KRT86: variants seen among roughly 807,000 people sequenced by gnomAD.
The protein encoded by KRT86 is keratin 86, also known as keratin, type II cuticular Hb6.
Under a neutral mutation model 41.2 loss-of-function variants are expected in KRT86, and 30 were observed. The observed-to-expected ratio is 0.73, with a 90% CI of 0.54 to 0.99. The LOEUF is 0.99. Among genes scored for constraint, KRT86 ranks in the 50% least tolerant of loss-of-function variants. The pLI is 0.00. For missense variants in KRT86, 561 were observed against 571.4 expected (o/e 0.98, Z 0.19); for synonymous variants, 238 against 238.1 (o/e 1.00, Z 0.00).
At chr12:52,277,549 CAGG>C (rs1937660891) in intron 2 of KRT86, 1 of 152,366 alleles carries the variant, frequency 6.6e-6, no homozygotes, top group African/African-American at 2.4e-5. Flanking sequence ...GCCAGCTCTG[CAGG>C]AGGAGGGTGG....
chr12:52,306,319 G>A (rs565232501), intron 9 of KRT86, 39 bp downstream of exon 9: 3 of 1,612,686 alleles, frequency 1.9e-6, no homozygotes, highest in African/African-American at 2.7e-5. Context: ...AGCCCTGCCA[G>A]GGTTCTCAGT....
chr12:52,298,972 C>G (rs1403888858), intron 2 of KRT86, among the ~76,000 whole-genome samples: 1 of 152,116 alleles, frequency 6.6e-6, no homozygotes, highest in Non-Finnish European at 1.5e-5. Context: ...TCCAAGCCTA[C>G]TCCTTTAGTT....
intron 2 of KRT86, among the ~76,000 whole-genome samples, chr12:52,282,557 A>G (rs1937801059): frequency 6.6e-6 from 1 of 152,218 alleles, no homozygotes; most frequent in Admixed American, 6.5e-5. Flanking sequence ...CCCTTTAAAG[A>G]AAGCTCTCCA....
At chr12:52,296,942 A>G (rs1403288781) in intron 2 of KRT86, among the ~76,000 whole-genome samples, 2 of 152,182 alleles carry the variant, frequency 1.3e-5, no homozygotes, top group African/African-American at 4.8e-5. Flanking sequence ...CTCAGGGACG[A>G]CACTGTCCCT....
intron 2 of KRT86, 25 bp from the exon 3 acceptor site, chr12:52,301,888 A>T (rs1319030008): frequency 6.2e-7 from 1 of 1,613,808 alleles, no homozygotes. Context: ...CTCCATCCTC[A>T]GAACCTCCTC....
chr12:52,303,540 TC>T (rs1938433082), intron 4 of KRT86, among the ~76,000 whole-genome samples: 1 of 84,348 alleles, frequency 1.2e-5, no homozygotes, highest in Non-Finnish European at 2.3e-5. Flanking sequence ...CTGAACCACA[TC>T]ACCCAGCAGC....
At chr12:52,296,515 G>A (rs1050038899) in intron 2 of KRT86, among the ~76,000 whole-genome samples, 17 of 152,184 alleles carry the variant, frequency 1.1e-4, no homozygotes, top group Admixed American at 8.5e-4. Context: ...CCAGGGTGGA[G>A]CTTTTGAGTC....
At chr12:52,288,818 T>C (rs1320201071) in intron 2 of KRT86, among the ~76,000 whole-genome samples, 1 of 151,976 alleles carries the variant, frequency 6.6e-6, no homozygotes, top group Non-Finnish European at 1.5e-5. Context: ...CTGGTTCTTC[T>C]CCATCCCCCC....
chr12:52,295,497 T>C (rs1177861444), intron 2 of KRT86, among the ~76,000 whole-genome samples: 1 of 152,144 alleles, frequency 6.6e-6, no homozygotes, highest in Non-Finnish European at 1.5e-5. Context: ...CTGGTGTTTG[T>C]ACATAACATA....
intron 7 of KRT86, 111 bp from the exon 8 acceptor site, chr12:52,305,552 C>A: frequency 6.2e-7 from 1 of 1,602,882 alleles, no homozygotes; most frequent in South Asian, 1.1e-5. Flanking sequence ...GCAGGACTGC[C>A]ATGTGTGGTT....
chr12:52,308,097 C>G, intron 9 of KRT86, 136 bp from the exon 10 acceptor site: 1 of 1,153,866 alleles, frequency 8.7e-7, no homozygotes, highest in South Asian at 1.4e-5. Flanking sequence ...TACACTGGCT[C>G]CTGGCCGAGA....
intron 2 of KRT86, among the ~76,000 whole-genome samples, chr12:52,283,149 A>G (rs899309285): frequency 6.6e-6 from 1 of 152,070 alleles, no homozygotes; most frequent in African/African-American, 2.4e-5. Flanking sequence ...TAATCCCAGC[A>G]CTTTGGGAGG....
rs1938093928 is a variant in KRT86, at chr12:52,290,545, C to CCCA, written c.-4-11367_-4-11366insCAC. Among the ~76,000 whole-genome samples the CCCA allele has an allele frequency of 1.1e-4, 2 of 18,320 alleles. 1 individual carries two copies. Among genetic ancestry groups the CCCA allele is most frequent in the Non-Finnish European group, 1.8e-4 (2 of 11,140 alleles). The allele number at this position is 18,320 out of a possible 152,430, so 12.0% of individuals were successfully genotyped here. A position where few individuals can be genotyped will look rare whatever the true frequency, so the allele number is the denominator to read the frequency against. On this transcript the variant is annotated intron_variant, in intron 2 of 10. Transcript: ENST00000423955. Reference sequence around the variant, plus strand: ...TGGGGAGTTGAGTGACCCCCCCCCCCCAACCCAAGCAGATGAACAGAAGTG... The same window carrying CCCA: ...TGGGGAGTTGAGTGACCCCCCCCCCCCCACAACCCAAGCAGATGAACAGAAGTG...
chr12:52,305,486 G>C, intron 7 of KRT86, 82 bp downstream of exon 7: 1 of 1,610,400 alleles, frequency 6.2e-7, no homozygotes. Context: ...TTCCTTTTCT[G>C]GGGATGCACT....
At chr12:52,286,204 G>T in intron 2 of KRT86, 1 of 1,486,204 alleles carries the variant, frequency 6.7e-7, no homozygotes, top group Non-Finnish European at 9.2e-7. Context: ...GATGGGCCAA[G>T]CAAGGCAGGG....
chr12:52,291,411 C>G (rs555244465), intron 2 of KRT86: 423 of 1,611,306 alleles, frequency 2.6e-4, no homozygotes, highest in South Asian at 3.2e-4. Context: ...GGCCGCGGCC[C>G]GCAGGCCGAG....
At position 52,305,662 on chromosome 12, in the gene KRT86, G is replaced by A. The variant is rs774789529; in HGVS notation, c.901-1G>A. 3.1e-6 allele frequency: 5 copies of A among 1,613,984 alleles called. No homozygotes were observed. The highest frequency in any genetic ancestry group is 4.2e-6 in the Non-Finnish European group (5 of 1,179,962). ...CTCATGAGCATCTCTACTTCCCCCA[G>A]TGTGAGGAGATGAAGGCCACGGTGA... is the stretch of plus-strand genomic sequence containing the variant. On this transcript the variant is annotated splice_acceptor_variant, in intron 7 of 10. Transcript: ENST00000423955. LOFTEE classifies it high-confidence loss of function.
chr12:52,286,462 G>A (rs948357847), intron 2 of KRT86: 42 of 1,552,552 alleles, frequency 2.7e-5, no homozygotes, highest in South Asian at 1.1e-4. Context: ...AGAGGTCCCC[G>A]CACACGACCC....
chr12:52,297,267 C>T (rs144394175), intron 2 of KRT86, among the ~76,000 whole-genome samples: 1 of 152,314 alleles, frequency 6.6e-6, no homozygotes, highest in East Asian at 1.9e-4. Context: ...CAGTATCTGA[C>T]AGTATGTATG....
Sources: gnomAD v4.1 joint callset for allele counts (sites outside exome capture counted in the v4.1 genomes callset) on GRCh38, gnomAD v4.1.1 for gene constraint, MANE v1.5 for transcripts, NCBI Gene and HGNC (gene_info 2026-07-23, HGNC 2026-07-21) for gene names.